The following HLA-DRA variants were observed in gnomAD, a reference collection of about 807,000 sequenced individuals.
HLA-DRA encodes the protein major histocompatibility complex, class II, DR alpha.
Under a neutral mutation model 22.1 loss-of-function variants are expected in HLA-DRA, and 8 were observed. The ratio of observed to expected loss-of-function variants is 0.36; its 90% CI spans 0.21 to 0.65. HLA-DRA has a LOEUF of 0.65. Among genes scored for constraint, HLA-DRA ranks in the 30% least tolerant of loss-of-function variants. The probability of loss-of-function intolerance (pLI) is 0.63; values close to 1 mark genes in which losing one functional copy is unlikely to be tolerated. For synonymous variants in HLA-DRA, 101 were observed against 117.1 expected, an observed-to-expected ratio of 0.86 and a Z score of 0.89; for missense variants, 248 against 321.3, an observed-to-expected ratio of 0.77 and a Z score of 1.74.
chr6:32,442,224 C>A (rs1439942944), intron 1 of HLA-DRA, among the ~76,000 whole-genome samples: 1 of 152,120 alleles, frequency 6.6e-6, no homozygotes, highest in Non-Finnish European at 1.5e-5. Context: ...TTCAATCCAC[C>A]CTCTTTATAA....
intron 1 of HLA-DRA, among the ~76,000 whole-genome samples, chr6:32,441,349 T>C (rs981413479): frequency 1.3e-5 from 2 of 152,096 alleles, no homozygotes; most frequent in African/African-American, 4.8e-5. Context: ...AGAGCAAGAC[T>C]CCGTCTCAAA....
At chr6:32,442,946 C>A (rs1762709553) in intron 2 of HLA-DRA, among the ~76,000 whole-genome samples, 1 of 152,022 alleles carries the variant, frequency 6.6e-6, no homozygotes, top group African/African-American at 2.4e-5. Context: ...GCTGGGGGAG[C>A]CAGAAGGGAA....
rs748952885 is a variant in HLA-DRA at position 32,439,917 on chromosome 6, T to C, written c.-34T>C. ...TGTCTGTTCTGCCTCACTCCCGAGC[T>C]CTACTGACTCCCAACAGAGCGCCCA... On this transcript the variant is annotated 5_prime_UTR_variant, in exon 1 of 5. Coordinates refer to ENST00000395388, the MANE Select transcript of HLA-DRA (RefSeq NM_019111.5). The C allele has an allele frequency of 1.3e-6, 2 of 1,565,026 alleles. No homozygotes were observed. Among genetic ancestry groups the C allele is most frequent in the Non-Finnish European group, 1.8e-6 (2 of 1,135,274 alleles).
chr6:32,440,703 C>A (rs1298189475), intron 1 of HLA-DRA, among the ~76,000 whole-genome samples: 1 of 152,146 alleles, frequency 6.6e-6, no homozygotes, highest in African/African-American at 2.4e-5. Context: ...GTAATATTTC[C>A]AAGAGAGTAG....
At chr6:32,444,056 C>G in intron 4 of HLA-DRA, 135 bp downstream of exon 4, 1 of 579,922 alleles carries the variant, frequency 1.7e-6, no homozygotes, top group Non-Finnish European at 2.7e-6. Flanking sequence ...TTTGCTAGAA[C>G]GAATCAGACA....
At chr6:32,440,962 T>C (rs1284301860) in intron 1 of HLA-DRA, among the ~76,000 whole-genome samples, 1 of 152,210 alleles carries the variant, frequency 6.6e-6, no homozygotes, top group Non-Finnish European at 1.5e-5. Flanking sequence ...CAGAGGATCT[T>C]CCCTTGGTTT....
rs559937089 is a variant in HLA-DRA at position 32,441,903 on chromosome 6, T to C, written c.83-545T>C. On this transcript the variant is annotated intron_variant, in intron 1 of 4. Coordinates refer to ENST00000395388, the MANE Select transcript of HLA-DRA (RefSeq NM_019111.5). ...GGCTACATAATAGGAAAACTATACA[T>C]AAATAGGTAGAATAATCTGCTCAGG... is the stretch of plus-strand genomic sequence containing the variant. Among the ~76,000 whole-genome samples, 9 of 152,274 alleles carry C rather than the reference T, an allele frequency of 5.9e-5. No homozygotes were observed. The South Asian group carries it at 1.7e-3, about 28-fold the overall frequency.
At chr6:32,442,737 T>C in intron 2 of HLA-DRA, 44 bp downstream of exon 2, 1 of 1,605,152 alleles carries the variant, frequency 6.2e-7, no homozygotes, top group East Asian at 2.2e-5. Context: ...GAATCCATAG[T>C]TTGAAAGTAG....
intron 4 of HLA-DRA, 149 bp downstream of exon 4, chr6:32,444,070 G>A: frequency 2.0e-6 from 1 of 507,502 alleles, no homozygotes. Context: ...TCAGACATTC[G>A]TATCATCTGG....
chr6:32,440,664 T>C (rs906601365), intron 1 of HLA-DRA, among the ~76,000 whole-genome samples: 4 of 152,240 alleles, frequency 2.6e-5, no homozygotes, highest in African/African-American at 9.6e-5. Flanking sequence ...ATCTCCATGG[T>C]ACAGCAGATC....
At chr6:32,440,174 T>C (rs1762527552) in intron 1 of HLA-DRA, 142 bp downstream of exon 1, 1 of 802,796 alleles carries the variant, frequency 1.2e-6, no homozygotes, top group Non-Finnish European at 2.1e-6. Flanking sequence ...TATAACAAAT[T>C]GTGGTTTGGT....
At position 32,443,264 on chromosome 6, in the gene HLA-DRA, G is replaced by A. The variant is rs1270211465; in HGVS notation, c.408G>A (p.Lys136=). 1.2e-6 allele frequency: 2 copies of A among 1,612,970 alleles called. No individual in the cohort carries two copies. Among genetic ancestry groups the A allele is most frequent in the African/African-American group, 1.3e-5 (1 of 75,028 alleles). ...EPNVLICFID[K]FTPPVVNVTW... ...ACGTCCTCATCTGTTTCATAGACAA[G>A]TTCACCCCACCAGTGGTCAATGTCA... The change falls in exon 3 of 5, where the codon AAG becomes AAA. Residue 136 remains lysine, a synonymous_variant. Coordinates refer to ENST00000395388, the MANE Select transcript of HLA-DRA (RefSeq NM_019111.5).
Position 32,443,800 on chromosome 6 carries a change from G to C in HLA-DRA, c.655G>C (p.Val219Leu). The change falls in exon 4 of 5, where the codon GTG becomes CTG. Residue 219 changes from valine to leucine, a missense_variant. Physicochemically the swap from Val to Leu is conservative, Grantham distance 32. Transcript: ENST00000395388. Reference protein sequence around the residue: ...SPLPETTENVVCALGLTVGLV... With the variant: ...SPLPETTENVLCALGLTVGLV... ...TCTCCCAGAGACTACAGAGAACGTG[G>C]TGTGTGCCCTGGGCCTGACTGTGGG... 1 of 1,611,608 alleles carries C rather than the reference G, an allele frequency of 6.2e-7. No individual in the cohort carries two copies. The highest frequency in any genetic ancestry group is 8.5e-7 in the Non-Finnish European group (1 of 1,179,406).
intron 3 of HLA-DRA, 90 bp from the exon 4 acceptor site, chr6:32,443,666 C>G (rs946733940): frequency 2.3e-5 from 30 of 1,313,816 alleles, no homozygotes; most frequent in Middle Eastern, 3.9e-4. Flanking sequence ...CTATGAATAA[C>G]TTTTCTCTTT....
rs16822587 is a variant in HLA-DRA at position 32,440,078 on chromosome 6, T to C, written c.82+46T>C. ...ATCTGGGACGATAGACTACGAAGCA[T>C]TGGAGAAAAGACCTATGGACATTTG... On this transcript the variant is annotated intron_variant, in intron 1 of 4. Coordinates refer to ENST00000395388, the MANE Select transcript of HLA-DRA (RefSeq NM_019111.5). 8.2e-3 allele frequency: 12,373 copies of C among 1,501,404 alleles called. 295 individuals are homozygous for C. The highest frequency in any genetic ancestry group is 0.077 in the East Asian group (3,426 of 44,338). 93.0% of individuals were successfully genotyped at this position (1,501,404 alleles called of 1,614,324 possible). A position where few individuals can be genotyped will look rare whatever the true frequency, so the allele number is the denominator to read the frequency against.
chr6:32,440,675 T>A (rs1196512791), intron 1 of HLA-DRA, among the ~76,000 whole-genome samples: 1 of 152,220 alleles, frequency 6.6e-6, no homozygotes, highest in African/African-American at 2.4e-5. Flanking sequence ...ACAGCAGATC[T>A]TATATCATGT....
chr6:32,441,293 G>C (rs1277665873), intron 1 of HLA-DRA, among the ~76,000 whole-genome samples: 1 of 152,212 alleles, frequency 6.6e-6, no homozygotes, highest in African/African-American at 2.4e-5. Flanking sequence ...GGGAGGCGGA[G>C]GTTGCAGTGA....
Position 32,442,661 on chromosome 6 carries a change from C to T in HLA-DRA, c.296C>T (p.Thr99Ile). 6.2e-7 allele frequency: 1 copy of T among 1,613,096 alleles called. No individual in the cohort carries two copies. The highest frequency in any genetic ancestry group is 8.5e-7 in the Non-Finnish European group (1 of 1,180,036). The change falls in exon 2 of 5, where the codon ACA (threonine) becomes ATA (isoleucine). Residue 99 changes from threonine to isoleucine, a missense_variant. Physicochemically the swap from Thr to Ile is moderately conservative, Grantham distance 89. Coordinates refer to ENST00000395388, the MANE Select transcript of HLA-DRA (RefSeq NM_019111.5). ...AVDKANLEIMTKRSNYTPITN... is the reference protein window; with the variant it reads ...AVDKANLEIMIKRSNYTPITN... ...GACAAAGCCAACCTGGAAATCATGA[C>T]AAAGCGCTCCAACTATACTCCGATC...
intron 4 of HLA-DRA, among the ~76,000 whole-genome samples, chr6:32,444,266 T>C (rs1270504366): frequency 1.3e-5 from 2 of 152,058 alleles, no homozygotes; most frequent in African/African-American, 4.8e-5. Flanking sequence ...TCTAGGGATC[T>C]AGAAAAATAA....
Sources: allele counts gnomAD v4.1 joint callset (sites outside exome capture counted in the v4.1 genomes callset), GRCh38; gene constraint gnomAD v4.1.1; transcripts MANE v1.5; gene names NCBI Gene and HGNC (gene_info 2026-07-23, HGNC 2026-07-21).